Variants in RBFOX1 observed in about 807,000 individuals in gnomAD.
RBFOX1 encodes the protein RNA binding fox-1 homolog 1.
A neutral mutation model predicts 57.7 loss-of-function variants in RBFOX1; 8 were observed. That is an observed-to-expected ratio of 0.14 (90% confidence interval 0.08 to 0.25). The LOEUF is 0.25. RBFOX1 is among the 10% of genes least tolerant of loss of function. The pLI is 1.00. For missense variants in RBFOX1, 611 were observed against 548.5 expected (o/e 1.11, Z -1.14); for synonymous variants, 326 against 222.4 (o/e 1.47, Z -4.15).
At chr16:6,903,165 C>T (rs1012287305) in intron 3 of RBFOX1, among the ~76,000 whole-genome samples, 1 of 152,086 alleles carries the variant, frequency 6.6e-6, no homozygotes. Context: ...GGGGAGGAGC[C>T]TTTCAGATGG....
At chr16:6,106,861 C>T (rs186970510) in intron 1 of RBFOX1, among the ~76,000 whole-genome samples, 8 of 151,798 alleles carry the variant, frequency 5.3e-5, no homozygotes, top group South Asian at 4.2e-4. Context: ...CTAGTAGAGA[C>T]GGGGTTTCAC....
intron 3 of RBFOX1, among the ~76,000 whole-genome samples, chr16:5,730,983 A>G (rs2052347599): frequency 6.7e-6 from 1 of 148,366 alleles, no homozygotes; most frequent in African/African-American, 2.4e-5. Context: ...TACCGTCACT[A>G]CCATCATCAC....
At chr16:7,681,558 G>T (rs56865359) in intron 14 of RBFOX1, among the ~76,000 whole-genome samples, 2,470 of 152,170 alleles carry the variant, frequency 0.016, 78 homozygotes, top group African/African-American at 0.056. Context: ...ATTTTAATTG[G>T]AGTTCTTATC....
At chr16:7,108,137 A>G (rs1599710989) in intron 4 of RBFOX1, among the ~76,000 whole-genome samples, 1 of 152,150 alleles carries the variant, frequency 6.6e-6, no homozygotes, top group African/African-American at 2.4e-5. Context: ...GCATAAAACA[A>G]AATACATTTC....
intron 4 of RBFOX1, among the ~76,000 whole-genome samples, chr16:7,066,188 A>G (rs1379989617): frequency 6.6e-6 from 1 of 152,236 alleles, no homozygotes; most frequent in African/African-American, 2.4e-5. Flanking sequence ...ATTCACACTT[A>G]GAGAAAAAGG....
rs562754913 is a variant in RBFOX1 at position 7,031,320 on chromosome 16, G to A, written c.-15-20737G>A. Among the ~76,000 whole-genome samples the A allele has an allele frequency of 2.6e-5, 4 of 152,272 alleles. No homozygotes were observed. The South Asian group carries it at 8.3e-4, about 32-fold the overall frequency. On this transcript the variant is annotated intron_variant, in intron 3 of 15. Coordinates refer to ENST00000550418, the MANE Select transcript of RBFOX1 (RefSeq NM_018723.4). ...GAGATAAAAGCAGTATCATGGCTGG[G>A]TGCTATGGCTCATACCTGTAATCTC...
At chr16:5,884,125 A>G (rs1289823385) in intron 4 of RBFOX1, among the ~76,000 whole-genome samples, 2 of 152,208 alleles carry the variant, frequency 1.3e-5, no homozygotes, top group Non-Finnish European at 2.9e-5. Flanking sequence ...GAGAGAGGCT[A>G]TTAATTACAG....
At chr16:6,127,203 C>G (rs780198841) in intron 1 of RBFOX1, among the ~76,000 whole-genome samples, 2 of 151,816 alleles carry the variant, frequency 1.3e-5, no homozygotes, top group African/African-American at 4.8e-5. Flanking sequence ...GAGGACTGCC[C>G]TAGATGGAGT....
At chr16:6,308,124 G>T (rs972205308) in intron 1 of RBFOX1, among the ~76,000 whole-genome samples, 1 of 151,076 alleles carries the variant, frequency 6.6e-6, no homozygotes, top group Admixed American at 6.6e-5. Flanking sequence ...TTTTATAAAT[G>T]ATAATTTCTA....
At chr16:6,682,968 A>G (rs1222110133) in intron 3 of RBFOX1, among the ~76,000 whole-genome samples, 2 of 151,962 alleles carry the variant, frequency 1.3e-5, no homozygotes, top group Admixed American at 1.3e-4. Flanking sequence ...ATAGGGGTTG[A>G]CAAGCTGCAG....
intron 3 of RBFOX1, among the ~76,000 whole-genome samples, chr16:5,757,645 A>G (rs9922609): frequency 0.12 from 18,808 of 152,062 alleles, 1,363 homozygotes; most frequent in African/African-American, 0.18. Context: ...GTGACCCAGG[A>G]GGAAATGAGT....
chr16:7,080,723 A>G (rs2059060760), intron 4 of RBFOX1, among the ~76,000 whole-genome samples: 1 of 152,122 alleles, frequency 6.6e-6, no homozygotes, highest in South Asian at 2.1e-4. Flanking sequence ...CCCATCACAG[A>G]TGACATTGAA....
intron 2 of RBFOX1, among the ~76,000 whole-genome samples, chr16:6,566,083 A>G (rs538227042): frequency 6.6e-6 from 1 of 152,352 alleles, no homozygotes; most frequent in South Asian, 2.1e-4. Flanking sequence ...TGTTCCTTCA[A>G]GGTGTTATCC....
intron 3 of RBFOX1, among the ~76,000 whole-genome samples, chr16:5,729,002 C>T (rs2052259199): frequency 6.6e-6 from 1 of 152,200 alleles, no homozygotes; most frequent in South Asian, 2.1e-4. Flanking sequence ...AATGTCTCCG[C>T]TGACAGGTGA....
intron 4 of RBFOX1, among the ~76,000 whole-genome samples, chr16:7,430,159 C>G (rs2098664865): frequency 6.6e-6 from 1 of 152,232 alleles, no homozygotes; most frequent in Non-Finnish European, 1.5e-5. Flanking sequence ...TATCATTAAT[C>G]TAGCACATTT....
chr16:6,857,722 C>T (rs1475503555), intron 3 of RBFOX1, among the ~76,000 whole-genome samples: 11 of 152,144 alleles, frequency 7.2e-5, no homozygotes, highest in Admixed American at 7.2e-4. Context: ...TTCCCATTCT[C>T]CTGTAAATTG....
intron 4 of RBFOX1, among the ~76,000 whole-genome samples, chr16:5,956,191 G>A (rs1391484373): frequency 6.6e-6 from 1 of 152,126 alleles, no homozygotes; most frequent in South Asian, 2.1e-4. Context: ...CACGAGGATT[G>A]CTTGAACCCA....
At chr16:5,407,332 A>T (rs1335672551) in intron 1 of RBFOX1, among the ~76,000 whole-genome samples, 1 of 152,104 alleles carries the variant, frequency 6.6e-6, no homozygotes, top group East Asian at 1.9e-4. Context: ...ATGCCTAACT[A>T]TATCAAGTGA....
chr16:5,774,123 T>A (rs961672683), intron 3 of RBFOX1, among the ~76,000 whole-genome samples: 2 of 152,162 alleles, frequency 1.3e-5, no homozygotes, highest in Non-Finnish European at 2.9e-5. Context: ...TTCACGTGCA[T>A]CATGAGTTAG....
Sources: allele counts gnomAD v4.1 joint callset (sites outside exome capture counted in the v4.1 genomes callset), GRCh38; gene constraint gnomAD v4.1.1; transcripts MANE v1.5; gene names NCBI Gene and HGNC (gene_info 2026-07-23, HGNC 2026-07-21).